Variants in OCA2 observed in about 807,000 individuals in gnomAD.
OCA2 encodes P protein.
In OCA2, 77 loss-of-function variants were observed where a neutral mutation model predicts 100.2. That is an observed-to-expected ratio of 0.77 (90% CI 0.64 to 0.93). The LOEUF is 0.93. Among genes scored for constraint, OCA2 ranks in the 40% least tolerant of loss-of-function variants. The probability of loss-of-function intolerance (pLI) is 0.00; values close to 1 mark genes in which losing one functional copy is unlikely to be tolerated. For missense variants in OCA2, 1,062 were observed against 1,089.1 expected, an observed-to-expected ratio of 0.98 and a Z score of 0.35; for synonymous variants, 432 against 439.2, an observed-to-expected ratio of 0.98 and a Z score of 0.21.
At chr15:27,976,651 C>T (rs1173253765) in intron 14 of OCA2, among the ~76,000 whole-genome samples, 1 of 152,046 alleles carries the variant, frequency 6.6e-6, no homozygotes, top group Non-Finnish European at 1.5e-5. Flanking sequence ...ATTGGATTTA[C>T]TAATTTTTTA....
chr15:28,059,053 G>A (rs2043793165), intron 2 of OCA2, among the ~76,000 whole-genome samples: 1 of 152,212 alleles, frequency 6.6e-6, no homozygotes, highest in African/African-American at 2.4e-5. Context: ...AAAGGAGAGT[G>A]CATAGGACAT....
Position 27,851,204 on chromosome 15 carries a change from G to A in OCA2, c.2338+178C>T, listed in dbSNP as rs181954556. Among the ~76,000 whole-genome samples the A allele has an allele frequency of 6.8e-3, 1,029 of 152,318 alleles. 16 individuals are homozygous for A. Among genetic ancestry groups the A allele is most frequent in the African/African-American group, 0.024 (1,006 of 41,560 alleles). On this transcript the variant is annotated intron_variant, in intron 22 of 23. Transcript: ENST00000354638. ...AGTCGGGGGCAGCTCTGCAGAGAAT[G>A]GGAAGGAACGGAGTTGCTCTGGAAT... is the stretch of plus-strand genomic sequence containing the variant.
intron 18 of OCA2, among the ~76,000 whole-genome samples, chr15:27,928,205 T>C (rs1318767678): frequency 6.6e-6 from 1 of 151,988 alleles, no homozygotes; most frequent in African/African-American, 2.4e-5. Flanking sequence ...AAACCCAAAA[T>C]AAGTAGAAGA....
At chr15:28,018,812 G>A (rs1440261361) in intron 6 of OCA2, among the ~76,000 whole-genome samples, 1 of 152,150 alleles carries the variant, frequency 6.6e-6, no homozygotes, top group Non-Finnish European at 1.5e-5. Flanking sequence ...GGGAAAGGGT[G>A]CATCCTTAGC....
At chr15:27,785,905 C>G (rs1439146315) in intron 23 of OCA2, among the ~76,000 whole-genome samples, 2 of 152,110 alleles carry the variant, frequency 1.3e-5, no homozygotes, top group Admixed American at 1.3e-4. Context: ...ATTTTCCTGC[C>G]ATAAAAAAGA....
intron 2 of OCA2, 129 bp from the exon 3 acceptor site, chr15:28,032,292 G>A: frequency 1.3e-6 from 1 of 768,614 alleles, no homozygotes; most frequent in Non-Finnish European, 2.3e-6. Flanking sequence ...ATTTGCCTAA[G>A]GGTCTGTCTG....
chr15:27,920,665 T>C (rs890503557), intron 19 of OCA2, among the ~76,000 whole-genome samples: 2 of 151,832 alleles, frequency 1.3e-5, no homozygotes, highest in African/African-American at 4.8e-5. Flanking sequence ...AATTGAAAAA[T>C]GATAACAATG....
At position 27,916,996 on chromosome 15, in the gene OCA2, G is replaced by T. The variant is rs1203706818; in HGVS notation, c.2079+9131C>A. Among the ~76,000 whole-genome samples the T allele has an allele frequency of 3.3e-5, 5 of 152,060 alleles. 1 individual carries two copies. Among genetic ancestry groups the T allele is most frequent in the Admixed American group, 2.6e-4 (4 of 15,258 alleles). Reference sequence around the variant, plus strand: ...AGCAGATGCAAAACGAGAGATGAAAGCCCAGGGCGTGAAGATGAAGGCAGG... The same window carrying T: ...AGCAGATGCAAAACGAGAGATGAAATCCCAGGGCGTGAAGATGAAGGCAGG... On this transcript the variant is annotated intron_variant, in intron 19 of 23. Transcript: ENST00000354638.
chr15:27,783,608 T>A (rs2032656221), intron 23 of OCA2, among the ~76,000 whole-genome samples: 1 of 152,172 alleles, frequency 6.6e-6, no homozygotes, highest in African/African-American at 2.4e-5. Context: ...CAGACACCAC[T>A]ATGAAGAGTT....
chr15:27,899,601 A>G (rs1433245481), intron 19 of OCA2, among the ~76,000 whole-genome samples: 1 of 152,212 alleles, frequency 6.6e-6, no homozygotes, highest in African/African-American at 2.4e-5. Flanking sequence ...TTTCTCACTC[A>G]GTTCCTTTGA....
intron 2 of OCA2, among the ~76,000 whole-genome samples, chr15:28,054,588 T>C (rs1391343438): frequency 1.3e-5 from 2 of 152,154 alleles, no homozygotes; most frequent in East Asian, 3.9e-4. Flanking sequence ...GTTGCTGCCA[T>C]AGAGATACCC....
intron 19 of OCA2, among the ~76,000 whole-genome samples, chr15:27,889,262 T>G (rs1285297991): frequency 6.6e-6 from 1 of 152,224 alleles, no homozygotes; most frequent in African/African-American, 2.4e-5. Flanking sequence ...ACAACTGCTT[T>G]CATTTCAGAT....
intron 19 of OCA2, among the ~76,000 whole-genome samples, chr15:27,903,185 G>GC (rs2038027729): frequency 6.6e-6 from 1 of 152,348 alleles, no homozygotes; most frequent in East Asian, 1.9e-4. Context: ...CCTTTGTGTC[G>GC]CCGGCGCCGT....
chr15:27,951,261 A>G (rs2040017783), intron 18 of OCA2, among the ~76,000 whole-genome samples: 1 of 152,196 alleles, frequency 6.6e-6, no homozygotes, highest in African/African-American at 2.4e-5. Flanking sequence ...TGAACGTGGG[A>G]GAAGAGAAAC....
intron 18 of OCA2, among the ~76,000 whole-genome samples, chr15:27,929,623 A>G (rs965088122): frequency 1.9e-4 from 29 of 152,148 alleles, no homozygotes; most frequent in African/African-American, 7.0e-4. Context: ...TGAAAAGAAA[A>G]AAATCATATT....
At chr15:27,791,607 T>C (rs1281272604) in intron 23 of OCA2, among the ~76,000 whole-genome samples, 1 of 152,194 alleles carries the variant, frequency 6.6e-6, no homozygotes, top group Admixed American at 6.5e-5. Flanking sequence ...TCTTCAACAT[T>C]CACAGGGCTC....
intron 11 of OCA2, among the ~76,000 whole-genome samples, chr15:27,988,513 C>T (rs143068798): frequency 1.6e-4 from 25 of 152,132 alleles, no homozygotes; most frequent in African/African-American, 3.9e-4. Flanking sequence ...AAAGTGAAAA[C>T]GCTGGGAGAA....
chr15:28,023,180 G>A (rs953479407), intron 5 of OCA2, among the ~76,000 whole-genome samples: 4 of 152,182 alleles, frequency 2.6e-5, no homozygotes, highest in Admixed American at 6.5e-5. Context: ...GAGCAGCAGG[G>A]CTTCAGAAAC....
intron 23 of OCA2, among the ~76,000 whole-genome samples, chr15:27,792,779 T>G (rs141593354): frequency 2.6e-5 from 4 of 152,360 alleles, no homozygotes; most frequent in African/African-American, 9.6e-5. Flanking sequence ...AATTCGTCTC[T>G]GAGTCCCATG....
Sources: allele counts gnomAD v4.1 joint callset (sites outside exome capture counted in the v4.1 genomes callset), GRCh38; gene constraint gnomAD v4.1.1; transcripts MANE v1.5; gene names NCBI Gene and HGNC (gene_info 2026-07-23, HGNC 2026-07-21).